ONECUT3: variants seen among roughly 807,000 people sequenced by gnomAD.
The protein encoded by ONECUT3 is one cut domain family member 3.
In ONECUT3, 11 loss-of-function variants were observed where a neutral mutation model predicts 16.8. That is an observed-to-expected ratio of 0.66 (90% CI 0.41 to 1.09). The LOEUF (loss-of-function observed/expected upper bound fraction) is 1.09. Among genes scored for constraint, ONECUT3 ranks in the 50% least tolerant of loss-of-function variants. ONECUT3 has a pLI of 0.00. For synonymous variants in ONECUT3, 344 were observed against 310.7 expected, an observed-to-expected ratio of 1.11 and a Z score of -1.13; for missense variants, 637 against 629.9, an observed-to-expected ratio of 1.01 and a Z score of -0.12.
rs2068111607 is a variant in ONECUT3 at position 1,776,680 on chromosome 19, T to C, written c.*1235T>C. On this transcript the variant is annotated 3_prime_UTR_variant, in exon 2 of 2. Transcript: ENST00000382349. The surrounding 1 kb of genome is among the most constrained non-coding windows in gnomAD (Gnocchi z 4.9). ...ATCTGGTCTGGGTGACCTCCGAGAC[T>C]GGCCGGCCGCGGGATCCCAGGAGCC... 7.6e-6 allele frequency: 1 copy of C among 131,498 alleles called. No individual in the cohort carries two copies. Among genetic ancestry groups the C allele is most frequent in the Non-Finnish European group, 1.5e-5 (1 of 64,586 alleles). The allele number at this position is 131,498 out of a possible 1,614,324, so 8.1% of individuals were successfully genotyped here. A position where few individuals can be genotyped will look rare whatever the true frequency, so the allele number is the denominator to read the frequency against.
chr19:1,757,594 G>A (rs2067923394), intron 1 of ONECUT3, among the ~76,000 whole-genome samples: 1 of 152,022 alleles, frequency 6.6e-6, no homozygotes, highest in Admixed American at 6.5e-5. Context: ...CGGCCGCGGG[G>A]TTCACGCCGT....
At chr19:1,771,821 A>G (rs1281620903) in intron 1 of ONECUT3, among the ~76,000 whole-genome samples, 1 of 151,910 alleles carries the variant, frequency 6.6e-6, no homozygotes, top group East Asian at 1.9e-4. Context: ...CTGGGACCAC[A>G]GGTGTGAGTC....
chr19:1,767,292 G>T (rs1360450126), intron 1 of ONECUT3, among the ~76,000 whole-genome samples: 1 of 152,090 alleles, frequency 6.6e-6, no homozygotes, highest in Non-Finnish European at 1.5e-5. Flanking sequence ...GACTTTTCTG[G>T]CTAGACCCTT....
intron 1 of ONECUT3, among the ~76,000 whole-genome samples, chr19:1,763,737 T>G (rs924218063): frequency 6.8e-5 from 10 of 148,140 alleles, no homozygotes; most frequent in African/African-American, 2.1e-4. Context: ...TTTTTGTTTT[T>G]TTTTTTTTTT....
Position 1,757,457 on chromosome 19 carries a change from G to A in ONECUT3, c.1192+2603G>A, listed in dbSNP as rs181025714. Among the ~76,000 whole-genome samples, 27 of 152,360 alleles carry A rather than the reference G, an allele frequency of 1.8e-4. 1 individual carries two copies. In the East Asian group the frequency reaches 5.0e-3, roughly 28 times the overall value. Reference sequence around the variant, plus strand: ...GCGTGGGGGAACCGGAGGGGTGAGCGCAGCTCCTGGCACCCCGAGCCTCCC... The same window carrying A: ...GCGTGGGGGAACCGGAGGGGTGAGCACAGCTCCTGGCACCCCGAGCCTCCC... On this transcript the variant is annotated intron_variant, in intron 1 of 1. Coordinates refer to ENST00000382349, the MANE Select transcript of ONECUT3 (RefSeq NM_001080488.2).
At position 1,775,425 on chromosome 19, in the gene ONECUT3, G is replaced by C; in HGVS notation, c.1465G>C (p.Ala489Pro). The C allele has an allele frequency of 6.6e-7, 1 of 1,525,874 alleles. No individual in the cohort carries two copies. Among genetic ancestry groups the C allele is most frequent in the Non-Finnish European group, 8.8e-7 (1 of 1,138,432 alleles). 94.5% of individuals were successfully genotyped at this position (1,525,874 alleles called of 1,614,324 possible). The change falls in exon 2 of 2, where the codon GCC becomes CCC. Residue 489 changes from alanine (A) to proline (P), a missense_variant. Coordinates refer to ENST00000382349, the MANE Select transcript of ONECUT3 (RefSeq NM_001080488.2). ...CCCCGGGGGCCCCGCCGGCGCCACGGCCACTTTCTCCAAGGCCTGAGGCGC... is the reference window on the plus strand; with the variant it reads ...CCCCGGGGGCCCCGCCGGCGCCACGCCCACTTTCTCCAAGGCCTGAGGCGC... ...TAPGGPAGATATFSKA is the reference protein window; with the variant it reads ...TAPGGPAGATPTFSKA
rs1295588937 is a variant in ONECUT3 at position 1,776,440 on chromosome 19, C to A, written c.*995C>A. ...GCGTGGAACCTTCTGGAATCCACCG[C>A]CCCCCTTTCCGCCCGCGTCAGGGTC... On this transcript the variant is annotated 3_prime_UTR_variant, in exon 2 of 2. Transcript: ENST00000382349. This position sits in a 1 kb window ranked among gnomAD's most constrained non-coding sequence, Gnocchi z 4.9. 6.6e-6 allele frequency: 1 copy of A among 152,228 alleles called. No individual in the cohort carries two copies. Among genetic ancestry groups the A allele is most frequent in the Non-Finnish European group, 1.5e-5 (1 of 68,080 alleles). 9.4% of individuals were successfully genotyped at this position (152,228 alleles called of 1,614,324 possible). A position where few individuals can be genotyped will look rare whatever the true frequency, so the allele number is the denominator to read the frequency against.
At chr19:1,756,477 CG>C (rs2067916753) in intron 1 of ONECUT3, among the ~76,000 whole-genome samples, 1 of 152,176 alleles carries the variant, frequency 6.6e-6, no homozygotes, top group African/African-American at 2.4e-5. Context: ...CACACAGCCA[CG>C]GCCCTCGAGG....
rs1046399392 is a variant in ONECUT3, at chr19:1,764,699, G to A, written c.1192+9845G>A. ...TTTCCAGCTCCCCGAGGGGTGCAGG[G>A]TGTAGACAGAGGGTGTAGGTATGTG... On this transcript the variant is annotated intron_variant, in intron 1 of 1. Coordinates refer to ENST00000382349, the MANE Select transcript of ONECUT3 (RefSeq NM_001080488.2). The surrounding 1 kb of genome is among the most constrained non-coding windows in gnomAD (Gnocchi z 5.0). Among the ~76,000 whole-genome samples the A allele has an allele frequency of 6.6e-6, 1 of 152,038 alleles. No homozygotes were observed. Among genetic ancestry groups the A allele is most frequent in the African/African-American group, 2.4e-5 (1 of 41,374 alleles).
chr19:1,775,607 C>G lies in ONECUT3; in HGVS notation c.*162C>G. ...CGGGGAGGGGGAAGCAGCACACCCC[C>G]CAGCCCAAGTGCACAAAAAGGGCCC... On this transcript the variant is annotated 3_prime_UTR_variant, in exon 2 of 2. Coordinates refer to ENST00000382349, the MANE Select transcript of ONECUT3 (RefSeq NM_001080488.2). 1 of 635,046 alleles carries G rather than the reference C, an allele frequency of 1.6e-6. No individual in the cohort carries two copies. The highest frequency in any genetic ancestry group is 2.5e-6 in the Non-Finnish European group (1 of 400,796). 39.3% of individuals were successfully genotyped at this position (635,046 alleles called of 1,614,324 possible).
chr19:1,772,037 C>T (rs962494864), intron 1 of ONECUT3, among the ~76,000 whole-genome samples: 10 of 136,426 alleles, frequency 7.3e-5, no homozygotes, highest in South Asian at 2.3e-4. Flanking sequence ...ATTTTTGAGA[C>T]GGAGTCTCGC....
chr19:1,761,010 C>T (rs1019079288), intron 1 of ONECUT3, among the ~76,000 whole-genome samples: 2 of 151,878 alleles, frequency 1.3e-5, no homozygotes, highest in African/African-American at 4.8e-5. Flanking sequence ...TCTCCTCCTC[C>T]ACCTCCATCA....
chr19:1,773,770 C>T (rs1458109334), intron 1 of ONECUT3, among the ~76,000 whole-genome samples: 1 of 152,146 alleles, frequency 6.6e-6, no homozygotes, highest in Non-Finnish European at 1.5e-5. Context: ...GAGTTTCAAG[C>T]TGATGCCACA....
intron 1 of ONECUT3, 23 bp from the exon 2 acceptor site, chr19:1,775,130 G>A: frequency 1.3e-6 from 1 of 756,848 alleles, no homozygotes; most frequent in Non-Finnish European, 1.9e-6. Flanking sequence ...CCGCTCGCCC[G>A]CCCGCCCGCC....
At position 1,779,576 on chromosome 19, in the gene ONECUT3, A is replaced by T. The variant is rs2068139770; in HGVS notation, c.*4131A>T. ...GTGTTCAAATGTAATTTAAGAAAAAAAAAGGAAGAAAAATGCAAAAAAAAA... is the reference window on the plus strand; with the variant it reads ...GTGTTCAAATGTAATTTAAGAAAAATAAAGGAAGAAAAATGCAAAAAAAAA... On this transcript the variant is annotated 3_prime_UTR_variant, in exon 2 of 2. Coordinates refer to ENST00000382349, the MANE Select transcript of ONECUT3 (RefSeq NM_001080488.2). The T allele has an allele frequency of 1.3e-5, 2 of 151,322 alleles. No homozygotes were observed. Among genetic ancestry groups the T allele is most frequent in the African/African-American group, 2.4e-5 (1 of 41,138 alleles). The allele number at this position is 151,322 out of a possible 1,614,324, so 9.4% of individuals were successfully genotyped here. A position where few individuals can be genotyped will look rare whatever the true frequency, so the allele number is the denominator to read the frequency against.
At chr19:1,774,210 G>A (rs8110971) in intron 1 of ONECUT3, among the ~76,000 whole-genome samples, 45,186 of 151,950 alleles carry the variant, frequency 0.3, 7,924 homozygotes, top group African/African-American at 0.49. Context: ...TTCAGATGTC[G>A]GAATTGGGCT....
rs958385127 is a variant in ONECUT3 at position 1,775,472 on chromosome 19, C to T, written c.*27C>T. ...GCGCCCCGGCCCCGCGCCCTCCCTG[C>T]CTCCACGGCCTGGGCGCTGTGCCCC... On this transcript the variant is annotated 3_prime_UTR_variant, in exon 2 of 2. Coordinates refer to ENST00000382349, the MANE Select transcript of ONECUT3 (RefSeq NM_001080488.2). 23 of 1,438,110 alleles carry T rather than the reference C, an allele frequency of 1.6e-5. No homozygotes were observed. Among genetic ancestry groups the T allele is most frequent in the Non-Finnish European group, 2.0e-5 (22 of 1,103,726 alleles). The allele number at this position is 1,438,110 out of a possible 1,614,324, so 89.1% of individuals were successfully genotyped here.
In ONECUT3 at chr19:1,754,107, G is replaced by GCCGCGCCGC; in HGVS notation, c.448_456dup (p.Ala150_Pro152dup). 1 of 1,019,198 alleles carries GCCGCGCCGC rather than the reference G, an allele frequency of 9.8e-7. No individual in the cohort carries two copies. Among genetic ancestry groups the GCCGCGCCGC allele is most frequent in the Non-Finnish European group, 1.2e-6 (1 of 854,882 alleles). 63.1% of individuals were successfully genotyped at this position (1,019,198 alleles called of 1,614,324 possible). A position where few individuals can be genotyped will look rare whatever the true frequency, so the allele number is the denominator to read the frequency against. On this transcript the variant is annotated inframe_insertion, in exon 1 of 2. Transcript: ENST00000382349. This position sits in a 1 kb window ranked among gnomAD's most constrained non-coding sequence, Gnocchi z 7.4. ...TCCCCACGCGCACCCGCACCCGGCGGCCGCGCCGCCCCCGCCACCCCCGCC... is the reference window on the plus strand; with the variant it reads ...TCCCCACGCGCACCCGCACCCGGCGGCCGCGCCGCCCGCGCCGCCCCCGCCACCCCCGCC...
intron 1 of ONECUT3, among the ~76,000 whole-genome samples, chr19:1,760,493 G>C (rs1034530067): frequency 6.6e-6 from 1 of 151,940 alleles, no homozygotes; most frequent in South Asian, 2.1e-4. Context: ...CCAGGTGACC[G>C]GCCAGTTCCA....
Sources: allele counts gnomAD v4.1 joint callset (sites outside exome capture counted in the v4.1 genomes callset), GRCh38; gene constraint gnomAD v4.1.1; non-coding constraint Gnocchi (gnomAD v3.1); transcripts MANE v1.5; gene names NCBI Gene and HGNC (gene_info 2026-07-23, HGNC 2026-07-21).